Variants in PNPLA6 observed in about 807,000 individuals in gnomAD.
PNPLA6 encodes the protein patatin like domain 6, lysophospholipase.
PNPLA6 carries 105 observed loss-of-function variants against 153.7 expected under a neutral mutation model. That is an observed-to-expected ratio of 0.68 (90% CI 0.58 to 0.80). The LOEUF (loss-of-function observed/expected upper bound fraction) is 0.80. PNPLA6 is among the 30% of genes least tolerant of loss of function. The probability of loss-of-function intolerance (pLI) is 0.00; values close to 1 mark genes in which losing one functional copy is unlikely to be tolerated. For missense variants in PNPLA6, 1,423 were observed against 1,919.3 expected (o/e 0.74, Z 4.83); for synonymous variants, 825 against 822.2 (o/e 1.00, Z -0.06).
rs1477584397 is a variant in PNPLA6, at chr19:7,550,064, C to G, written c.1766C>G (p.Ala589Gly). 6.2e-7 allele frequency: 1 copy of G among 1,614,088 alleles called. No individual in the cohort carries two copies. Among genetic ancestry groups the G allele is most frequent in the African/African-American group, 1.3e-5 (1 of 75,060 alleles). ...GAACCTCTCATCTTCACACTGCGAG[C>G]CCAACGCGACTGCACCTTCCTGCGG... ...TGEPLIFTLR[A>G]QRDCTFLRIS... The change falls in exon 14 of 32, where the codon GCC becomes GGC. Residue 589 changes from alanine (A) to glycine (G), a missense_variant. Ala to Gly is a moderately conservative substitution (Grantham distance 60). This residue lies in a region of PNPLA6 where 119 missense variants were observed against 163.7 expected (regional missense o/e 0.73). Transcript: ENST00000600737.
chr19:7,536,259 A>T lies in PNPLA6; in HGVS notation c.301A>T (p.Lys101Ter). 1 of 1,613,512 alleles carries T rather than the reference A, an allele frequency of 6.2e-7. No homozygotes were observed. The highest frequency in any genetic ancestry group is 1.7e-5 in the Admixed American group (1 of 60,020). The change falls in exon 2 of 32, where the codon AAG becomes TAG. Residue 101 changes from lysine (K) to a stop codon, truncating the protein, a stop_gained. Coordinates refer to ENST00000600737, the MANE Select transcript of PNPLA6 (RefSeq NM_001166114.2). LOFTEE classifies it high-confidence loss of function. ...GGACAAAGTGCTCTTCTATGGCCGG[A>T]AGATTATGCGGAAGGTGAGTCCGGG... ...KRDKVLFYGR[K>*]IMRKVSQSTS...
chr19:7,543,841 C>T (rs1180538787), intron 13 of PNPLA6, among the ~76,000 whole-genome samples: 4 of 149,434 alleles, frequency 2.7e-5, no homozygotes, highest in South Asian at 4.2e-4. Context: ...GACGGAGTCT[C>T]GCTCTGTCAC....
At chr19:7,552,141 C>T (rs528301154) in intron 18 of PNPLA6, among the ~76,000 whole-genome samples, 10 of 152,316 alleles carry the variant, frequency 6.6e-5, no homozygotes, top group Admixed American at 3.9e-4. Flanking sequence ...AAACAAAACT[C>T]CCCATACCAT....
intron 17 of PNPLA6, 118 bp downstream of exon 17, chr19:7,551,225 G>A (rs1418201947): frequency 2.1e-6 from 2 of 936,726 alleles, no homozygotes; most frequent in Admixed American, 4.0e-5. Context: ...GGGCCGAAGC[G>A]AGAGAGTGAG....
chr19:7,534,221 C>T (rs141371215), upstream of PNPLA6: 2,492 of 328,042 alleles, frequency 7.6e-3, 58 homozygotes, highest in African/African-American at 0.05. Context: ...GCGGAGTGGA[C>T]CCCGGCTGCG....
intron 13 of PNPLA6, among the ~76,000 whole-genome samples, chr19:7,544,056 G>T (rs1369240082): frequency 6.6e-6 from 1 of 151,426 alleles, no homozygotes; most frequent in African/African-American, 2.4e-5. Context: ...CTCGTGATCC[G>T]CCCGCCTAGG....
chr19:7,557,468 G>A (rs1568422506), intron 27 of PNPLA6, 184 bp downstream of exon 27: 3 of 661,908 alleles, frequency 4.5e-6, no homozygotes, highest in East Asian at 5.5e-5. Flanking sequence ...ATGTGCCTGT[G>A]GACAGCGACA....
intron 27 of PNPLA6, 21 bp from the exon 28 acceptor site, chr19:7,558,829 C>T (rs1238890460): frequency 6.3e-7 from 1 of 1,595,412 alleles, no homozygotes; most frequent in Non-Finnish European, 8.5e-7. Context: ...GAGCAGCCCG[C>T]TGACCCCCCT....
At position 7,540,915 on chromosome 19, in the gene PNPLA6, TC is replaced by T; in HGVS notation, c.796-3del. On this transcript the variant is annotated splice_polypyrimidine_tract_variant and splice_region_variant and intron_variant, in intron 6 of 31. Transcript: ENST00000600737. This position sits in a 1 kb window ranked among gnomAD's most constrained non-coding sequence, Gnocchi z 6.8. ...CCTTGTCTCTCTTCACGCCCTCCCC[TC>T]CCCCAGGGTCACCAGCATCCCCAGC... is the stretch of plus-strand genomic sequence containing the variant. The T allele has an allele frequency of 3.1e-6, 5 of 1,612,608 alleles. No individual in the cohort carries two copies. The highest frequency in any genetic ancestry group is 4.2e-6 in the Non-Finnish European group (5 of 1,179,822).
At chr19:7,544,650 C>T (rs548386907) in intron 13 of PNPLA6, among the ~76,000 whole-genome samples, 6 of 151,934 alleles carry the variant, frequency 3.9e-5, no homozygotes, top group Non-Finnish European at 8.8e-5. Flanking sequence ...CCAGCTCTGC[C>T]CCAGGCTTGG....
intron 2 of PNPLA6, 76 bp downstream of exon 2, chr19:7,536,349 C>A: frequency 7.1e-7 from 1 of 1,411,108 alleles, no homozygotes; most frequent in Admixed American, 1.7e-5. Context: ...TTCTTAGTGT[C>A]CGCCACCGCT....
chr19:7,559,092 C>CT lies in PNPLA6; in HGVS notation c.3641dup (p.Arg1215AlafsTer20). On this transcript the variant is annotated frameshift_variant, in exon 28 of 32. Transcript: ENST00000600737. LOFTEE classifies it high-confidence loss of function. Reference sequence around the variant, plus strand: ...CAAGTCCAGCTCCTACTGCGAGTACCTGCGCCCGCCCATCGACTGCTTCAA... The same window carrying CT: ...CAAGTCCAGCTCCTACTGCGAGTACCTTGCGCCCGCCCATCGACTGCTTCAA... 6.2e-7 allele frequency: 1 copy of CT among 1,614,240 alleles called. No individual in the cohort carries two copies. Among genetic ancestry groups the CT allele is most frequent in the South Asian group, 1.1e-5 (1 of 91,088 alleles).
intron 16 of PNPLA6, 74 bp downstream of exon 16, chr19:7,550,714 C>T (rs1568416185): frequency 6.4e-7 from 1 of 1,570,576 alleles, no homozygotes; most frequent in Non-Finnish European, 8.6e-7. Flanking sequence ...CACATCATCC[C>T]GGGTAATCCA....
At position 7,540,255 on chromosome 19, in the gene PNPLA6, G is replaced by T; in HGVS notation, c.661G>T (p.Ala221Ser). Residue 221 changes from alanine to serine, a missense_variant, in exon 5 of 32, where the codon GCC (alanine) becomes TCC (serine). By Grantham distance (99) the Ala-to-Ser change is moderately conservative (BLOSUM62 1). Transcript: ENST00000600737. This position sits in a 1 kb window ranked among gnomAD's most constrained non-coding sequence, Gnocchi z 6.8. ...CGTCTTCCGGCCGGGCCAGCCAGAT[G>T]CCAGCATCTACGTGGTGCAGGACGG... The part of the protein sequence containing the change: ...DYVFRPGQPD[A>S]SIYVVQDGLL... The T allele has an allele frequency of 6.2e-7, 1 of 1,609,332 alleles. No homozygotes were observed. Among genetic ancestry groups the T allele is most frequent in the Non-Finnish European group, 8.5e-7 (1 of 1,180,002 alleles).
Position 7,549,925 on chromosome 19 carries a change from G to C in PNPLA6, c.1627G>C (p.Val543Leu), listed in dbSNP as rs1285663157. 1 of 1,613,510 alleles carries C rather than the reference G, an allele frequency of 6.2e-7. No individual in the cohort carries two copies. The highest frequency in any genetic ancestry group is 1.7e-5 in the Admixed American group (1 of 60,010). Residue 543 changes from valine to leucine, a missense_variant, in exon 14 of 32, where the codon GTG becomes CTG. Val to Leu is a conservative substitution (Grantham distance 32). This residue lies in a region of PNPLA6 where 119 missense variants were observed against 163.7 expected (regional missense o/e 0.73). Transcript: ENST00000600737. ...CGCACAGGACGTGAGCCTGCACTTC[G>C]TGCTCTGGGGCTGCCTGCACGTGTA... Reference protein sequence around the residue: ...QGDQDVSLHFVLWGCLHVYQR... With the variant: ...QGDQDVSLHFLLWGCLHVYQR...
Position 7,554,552 on chromosome 19 carries a change from TAG to T in PNPLA6, c.2466-2_2466-1del, listed in dbSNP as rs776803851. 1 of 1,613,974 alleles carries T rather than the reference TAG, an allele frequency of 6.2e-7. No homozygotes were observed. The highest frequency in any genetic ancestry group is 8.5e-7 in the Non-Finnish European group (1 of 1,179,940). Reference sequence around the variant, plus strand: ...GGATGACGCTGCCCCCTTCCCACCCTAGCATCCAAGAGTTCCGGCTGTCAGGG... The same window carrying T: ...GGATGACGCTGCCCCCTTCCCACCCTCATCCAAGAGTTCCGGCTGTCAGGG... On this transcript the variant is annotated splice_acceptor_variant, in intron 20 of 31. Transcript: ENST00000600737. LOFTEE classifies it high-confidence loss of function.
chr19:7,556,906 TGGG>T (rs2023902884), intron 26 of PNPLA6, 182 bp downstream of exon 26: 10 of 693,292 alleles, frequency 1.4e-5, no homozygotes, highest in Non-Finnish European at 2.6e-5. Context: ...CGTCCGTCCT[TGGG>T]GGAGGGGAGC....
chr19:7,554,833 CCCAG>C, intron 21 of PNPLA6, 56 bp from the exon 22 acceptor site: 1 of 1,569,542 alleles, frequency 6.4e-7, no homozygotes. Flanking sequence ...CGATCAGGGA[CCCAG>C]GTGTGGCCAG....
rs1052800312 is a variant in PNPLA6 at position 7,536,212 on chromosome 19, C to T, written c.254C>T (p.Pro85Leu). The T allele has an allele frequency of 1.9e-6, 3 of 1,613,674 alleles. No individual in the cohort carries two copies. Among genetic ancestry groups the T allele is most frequent in the African/African-American group, 2.7e-5 (2 of 74,902 alleles). ...RVPKTPAPDG[P>L]RYRFRKRDKV... ...CCAGAAACCCCAGCCCCGGATGGCC[C>T]CCGGTATCGGTTCCGGAAGAGGGAC... The change falls in exon 2 of 32, where the codon CCC becomes CTC. Residue 85 changes from proline to leucine, a missense_variant. Pro to Leu is a moderately conservative substitution (Grantham distance 98, BLOSUM62 -3). Around this residue, in one of 10 missense-constraint regions of PNPLA6, gnomAD observed 74 missense variants for 171.3 expected, o/e 0.43. Coordinates refer to ENST00000600737, the MANE Select transcript of PNPLA6 (RefSeq NM_001166114.2).
Sources: gnomAD v4.1 joint callset for allele counts (sites outside exome capture counted in the v4.1 genomes callset) on GRCh38, gnomAD v4.1.1 for gene constraint, gnomAD v4.1.1 regional missense constraint, Gnocchi (gnomAD v3.1) non-coding constraint, MANE v1.5 for transcripts, NCBI Gene and HGNC (gene_info 2026-07-23, HGNC 2026-07-21) for gene names.